Variants in GSDME observed in about 807,000 individuals in gnomAD.
The protein encoded by GSDME is gasdermin E.
GSDME carries 44 observed loss-of-function variants against 47.5 expected under a neutral mutation model. That is an observed-to-expected ratio of 0.93 (90% CI 0.73 to 1.19). The LOEUF is 1.19. GSDME is among the 50% of genes most tolerant of loss of function. The pLI is 0.00. For synonymous variants in GSDME, 258 were observed against 252.8 expected, an observed-to-expected ratio of 1.02 and a Z score of -0.20; for missense variants, 663 against 604.2, an observed-to-expected ratio of 1.10 and a Z score of -1.02.
At position 24,735,894 on chromosome 7, in the gene GSDME, C is replaced by T. The variant is rs913288705; in HGVS notation, c.404+8668G>A. On this transcript the variant is annotated intron_variant, in intron 3 of 9. Coordinates refer to ENST00000645220, the MANE Select transcript of GSDME (RefSeq NM_001127453.2). This position sits in a 1 kb window ranked among gnomAD's most constrained non-coding sequence, Gnocchi z 4.4. ...GTTAAGCCGGGGGACAAAGTTAAGGCGTGGAGTTTGTATTCATTTTCTTTT... is the reference window on the plus strand; with the variant it reads ...GTTAAGCCGGGGGACAAAGTTAAGGTGTGGAGTTTGTATTCATTTTCTTTT... Among the ~76,000 whole-genome samples, 4 of 151,912 alleles carry T rather than the reference C, an allele frequency of 2.6e-5. No individual in the cohort carries two copies. The highest frequency in any genetic ancestry group is 1.9e-4 in the East Asian group (1 of 5,186).
chr7:24,745,325 G>T lies in GSDME; in HGVS notation c.212-571C>A, dbSNP rs1420519203. Reference sequence around the variant, plus strand: ...CAGCCTTCCTTGGCCACCTAGGCCTGTCTGGGGGCATCTTGTCTACCCACC... The same window carrying T: ...CAGCCTTCCTTGGCCACCTAGGCCTTTCTGGGGGCATCTTGTCTACCCACC... On this transcript the variant is annotated intron_variant, in intron 2 of 9. Coordinates refer to ENST00000645220, the MANE Select transcript of GSDME (RefSeq NM_001127453.2). The surrounding 1 kb of genome is among the most constrained non-coding windows in gnomAD (Gnocchi z 4.4). Among the ~76,000 whole-genome samples, 1 of 152,140 alleles carries T rather than the reference G, an allele frequency of 6.6e-6. No homozygotes were observed. Among genetic ancestry groups the T allele is most frequent in the African/African-American group, 2.4e-5 (1 of 41,418 alleles).
At position 24,742,537 on chromosome 7, in the gene GSDME, C is replaced by T. The variant is rs778240116; in HGVS notation, c.404+2025G>A. 2.6e-5 allele frequency among the ~76,000 whole-genome samples: 4 copies of T among 152,218 alleles called. No homozygotes were observed. Among genetic ancestry groups the T allele is most frequent in the Non-Finnish European group, 5.9e-5 (4 of 68,046 alleles). On this transcript the variant is annotated intron_variant, in intron 3 of 9. Coordinates refer to ENST00000645220, the MANE Select transcript of GSDME (RefSeq NM_001127453.2). The surrounding 1 kb of genome is among the most constrained non-coding windows in gnomAD (Gnocchi z 4.4). ...TCTTTCTCTCCGGAATGTTTTCTCC[C>T]ATCTCTTCTCAGTGAGCCTCCTCAT...
chr7:24,786,372 G>A, the GSDME span, among the ~76,000 whole-genome samples: 1 of 152,240 alleles, frequency 6.6e-6, no homozygotes. The surrounding 1 kb of genome is among the most constrained non-coding windows in gnomAD (Gnocchi z 5.5). Flanking sequence ...TTGTGTTGTA[G>A]CACAAGGAGG....
chr7:24,713,846 G>A (rs1441708976), intron 5 of GSDME, among the ~76,000 whole-genome samples: 2 of 152,190 alleles, frequency 1.3e-5, no homozygotes, highest in Admixed American at 6.5e-5. Context: ...AGTCCCAGCT[G>A]CTTGGGAGGC....
intron 3 of GSDME, among the ~76,000 whole-genome samples, chr7:24,737,318 C>T (rs369546665): frequency 1.4e-3 from 215 of 151,838 alleles, no homozygotes; most frequent in Non-Finnish European, 2.0e-3. Flanking sequence ...AGAGACATTA[C>T]ATTAATACTA....
At chr7:24,758,236 A>T (rs542491549), upstream of GSDME, 1 of 152,404 alleles carries the variant, frequency 6.6e-6, no homozygotes, top group East Asian at 1.9e-4. This position sits in a 1 kb window ranked among gnomAD's most constrained non-coding sequence, Gnocchi z 4.6. Flanking sequence ...CAAGAGGGAA[A>T]GCTTTCTAAT....
chr7:24,724,064 AT>A lies in GSDME; in HGVS notation c.405-4847del, dbSNP rs1442222467. On this transcript the variant is annotated intron_variant, in intron 3 of 9. Transcript: ENST00000645220. The surrounding 1 kb of genome is among the most constrained non-coding windows in gnomAD (Gnocchi z 4.8). ...AATGGCTTTAGAGACACAGAAAACT[AT>A]TAGTAGTGGTCGCCTCTTGGGTGGG... is the stretch of plus-strand genomic sequence containing the variant. Among the ~76,000 whole-genome samples the A allele has an allele frequency of 1.3e-5, 2 of 151,820 alleles. No homozygotes were observed. The highest frequency in any genetic ancestry group is 2.9e-5 in the Non-Finnish European group (2 of 67,976).
chr7:24,790,054 CAT>C, the GSDME span, among the ~76,000 whole-genome samples: 1 of 152,330 alleles, frequency 6.6e-6, no homozygotes, highest in East Asian at 1.9e-4. This position sits in a 1 kb window ranked among gnomAD's most constrained non-coding sequence, Gnocchi z 4.1. Flanking sequence ...TGCATGGGCA[CAT>C]GTGCCAGTTT....
the GSDME span, among the ~76,000 whole-genome samples, chr7:24,780,282 C>T: frequency 1.3e-5 from 2 of 152,128 alleles, no homozygotes; most frequent in Non-Finnish European, 2.9e-5. This position sits in a 1 kb window ranked among gnomAD's most constrained non-coding sequence, Gnocchi z 4.1. Flanking sequence ...ATTGATACAC[C>T]CTAGCCAAAG....
At chr7:24,768,446 GGGAGGAGTC>G in the GSDME span, among the ~76,000 whole-genome samples, 1 of 151,948 alleles carries the variant, frequency 6.6e-6, no homozygotes, top group Non-Finnish European at 1.5e-5. The surrounding 1 kb of genome is among the most constrained non-coding windows in gnomAD (Gnocchi z 5.6). Context: ...CATGTCAACG[GGGAGGAGTC>G]ATTTAGATCT....
At chr7:24,764,581 C>T in the GSDME span, among the ~76,000 whole-genome samples, 11 of 152,026 alleles carry the variant, frequency 7.2e-5, no homozygotes, top group African/African-American at 2.7e-4. This position sits in a 1 kb window ranked among gnomAD's most constrained non-coding sequence, Gnocchi z 4.4. Flanking sequence ...TATTAAAAAA[C>T]AATAAAAAAT....
rs919159979 is a variant in GSDME, at chr7:24,749,796, G to GA, written c.-19-4dup. Reference sequence around the variant, plus strand: ...ACATTTTGAAAGCTCCAGATTATCTGAAAAAGTAAAGTTATCCTAAAATCA... The same window carrying GA: ...ACATTTTGAAAGCTCCAGATTATCTGAAAAAAGTAAAGTTATCCTAAAATCA... On this transcript the variant is annotated splice_region_variant and splice_polypyrimidine_tract_variant and intron_variant, in intron 1 of 9. Transcript: ENST00000645220. 3 of 1,589,112 alleles carry GA rather than the reference G, an allele frequency of 1.9e-6. No homozygotes were observed. The highest frequency in any genetic ancestry group is 2.6e-6 in the Non-Finnish European group (3 of 1,159,440).
chr7:24,719,303 T>G (rs1789689401), intron 3 of GSDME, 85 bp from the exon 4 acceptor site: 1 of 1,414,662 alleles, frequency 7.1e-7, no homozygotes, highest in Non-Finnish European at 9.8e-7. Context: ...AGCAGGCAGC[T>G]GAGGAGTGAG....
chr7:24,749,543 A>AAT (rs1271721010), intron 2 of GSDME, 21 bp downstream of exon 2: 1 of 1,581,232 alleles, frequency 6.3e-7, no homozygotes, highest in Middle Eastern at 1.7e-4. Flanking sequence ...CTAATTATAG[A>AAT]ATATACCCAA....
the GSDME span, among the ~76,000 whole-genome samples, chr7:24,786,740 T>C: frequency 2.0e-5 from 3 of 152,378 alleles, no homozygotes; most frequent in East Asian, 1.9e-4. The surrounding 1 kb of genome is among the most constrained non-coding windows in gnomAD (Gnocchi z 5.5). Flanking sequence ...ACAGTCGTGA[T>C]GGCTGCACAG....
At chr7:24,762,063 G>A (rs185058270), upstream of GSDME, among the ~76,000 whole-genome samples, 334 of 152,134 alleles carry the variant, frequency 2.2e-3, no homozygotes, top group Middle Eastern at 0.014. Context: ...AGAGCAGCCT[G>A]GCCAACATGG....
chr7:24,792,398 A>G, the GSDME span, among the ~76,000 whole-genome samples: 1 of 152,312 alleles, frequency 6.6e-6, no homozygotes, highest in Non-Finnish European at 1.5e-5. Context: ...ATCTCCTCAG[A>G]TAAAATGGTC....
chr7:24,786,596 C>T, the GSDME span, among the ~76,000 whole-genome samples: 1 of 152,206 alleles, frequency 6.6e-6, no homozygotes, highest in Non-Finnish European at 1.5e-5. The surrounding 1 kb of genome is among the most constrained non-coding windows in gnomAD (Gnocchi z 5.5). Context: ...TTGTCAATGA[C>T]TGACCTGGTC....
Position 24,732,064 on chromosome 7 carries a change from C to T in GSDME, c.404+12498G>A, listed in dbSNP as rs1790164194. On this transcript the variant is annotated intron_variant, in intron 3 of 9. Coordinates refer to ENST00000645220, the MANE Select transcript of GSDME (RefSeq NM_001127453.2). The surrounding 1 kb of genome is among the most constrained non-coding windows in gnomAD (Gnocchi z 4.8). ...GGTTTATTGTGACCAGTTACACCTGCCCTGGAAGGAGAAACACAGCAAAAA... is the reference window on the plus strand; with the variant it reads ...GGTTTATTGTGACCAGTTACACCTGTCCTGGAAGGAGAAACACAGCAAAAA... Among the ~76,000 whole-genome samples, 1 of 152,152 alleles carries T rather than the reference C, an allele frequency of 6.6e-6. No homozygotes were observed. The highest frequency in any genetic ancestry group is 2.4e-5 in the African/African-American group (1 of 41,426).
Sources: allele counts gnomAD v4.1 joint callset (sites outside exome capture counted in the v4.1 genomes callset), GRCh38; gene constraint gnomAD v4.1.1; non-coding constraint Gnocchi (gnomAD v3.1); transcripts MANE v1.5; gene names NCBI Gene and HGNC (gene_info 2026-07-23, HGNC 2026-07-21).